SLC25A14: variants seen among roughly 807,000 people sequenced by gnomAD.
The protein encoded by SLC25A14 is solute carrier family 25 member 14, also known as brain mitochondrial carrier protein 1.
Under a neutral mutation model 28.1 loss-of-function variants are expected in SLC25A14, and 8 were observed. The ratio of observed to expected loss-of-function variants is 0.28; its 90% confidence interval spans 0.17 to 0.51. The LOEUF (loss-of-function observed/expected upper bound fraction) is 0.51. SLC25A14 is among the 20% of genes least tolerant of loss of function. SLC25A14 has a pLI of 0.97. For missense variants in SLC25A14, 135 were observed against 263.8 expected, an observed-to-expected ratio of 0.51 and a Z score of 3.38; for synonymous variants, 74 against 90.6, an observed-to-expected ratio of 0.82 and a Z score of 1.04.
intron 2 of SLC25A14, among the ~76,000 whole-genome samples, chrX:130,341,595 G>C (rs1426031107): frequency 8.9e-6 from 1 of 111,793 alleles, no homozygotes; most frequent in African/African-American, 3.3e-5. Flanking sequence ...GAGTAGTATA[G>C]GGCAATGTAA....
chrX:130,364,320 ACT>A (rs1191996459), intron 7 of SLC25A14, among the ~76,000 whole-genome samples: 1 of 108,263 alleles, frequency 9.2e-6, no homozygotes, highest in African/African-American at 3.4e-5. Flanking sequence ...GTGTATGTTG[ACT>A]CTTCACTTTC....
intron 6 of SLC25A14, among the ~76,000 whole-genome samples, chrX:130,354,126 T>A (rs1405022587): frequency 3.7e-5 from 4 of 107,859 alleles, no homozygotes; most frequent in Admixed American, 9.8e-5. Flanking sequence ...TATTATTATT[T>A]TTTTTGAGAC....
At chrX:130,361,991 C>A (rs1323609244) in intron 7 of SLC25A14, among the ~76,000 whole-genome samples, 2 of 111,149 alleles carry the variant, frequency 1.8e-5, no homozygotes, top group Non-Finnish European at 3.8e-5. Context: ...GTGAAGGGTA[C>A]CCTCTTTATG....
chrX:130,362,289 T>C (rs1031489109), intron 7 of SLC25A14, among the ~76,000 whole-genome samples: 4 of 109,338 alleles, frequency 3.7e-5, no homozygotes, highest in Non-Finnish European at 7.6e-5. Context: ...ATTATTATTT[T>C]TTTAAGTGAA....
At chrX:130,368,666 A>G (rs1431326955) in intron 9 of SLC25A14, among the ~76,000 whole-genome samples, 1 of 112,701 alleles carries the variant, frequency 8.9e-6, no homozygotes, top group Non-Finnish European at 1.9e-5. Flanking sequence ...GGCACTGTAC[A>G]TAGAGTATAT....
intron 7 of SLC25A14, among the ~76,000 whole-genome samples, chrX:130,359,352 CAAAAAAAAAAAA>C (rs55826694): frequency 3.8e-5 from 1 of 26,235 alleles, no homozygotes; most frequent in African/African-American, 1.3e-4. Context: ...GACTCTGTCT[CAAAAAAAAAAAA>C]AAAAAAAAAA....
chrX:130,350,442 G>T (rs2033591329), intron 5 of SLC25A14, among the ~76,000 whole-genome samples: 1 of 111,539 alleles, frequency 9.0e-6, no homozygotes, highest in Admixed American at 9.5e-5. Flanking sequence ...TTTTAGAAAT[G>T]ATTTATATTT....
intron 2 of SLC25A14, among the ~76,000 whole-genome samples, chrX:130,342,979 TG>T (rs1272628469): frequency 9.0e-6 from 1 of 111,385 alleles, no homozygotes; most frequent in Non-Finnish European, 1.9e-5. Context: ...ATTCAGCGAC[TG>T]GTCTTTCATC....
In SLC25A14 at chrX:130,371,620, T is replaced by C. The variant is rs1440101404; in HGVS notation, c.912T>C (p.Leu304=). The change falls in exon 10 of 11, where the codon CTT becomes CTC. Residue 304 remains leucine (L), a synonymous_variant. Coordinates refer to ENST00000545805, the MANE Select transcript of SLC25A14 (RefSeq NM_001282195.2). ...ALYKGFWPNW[L]RLGPWNIIFF... is the part of the protein sequence containing the mutation. ...ATAAAGGATTTTGGCCAAACTGGCTTCGGCTTGGACCCTGGAACATCATTG... is the reference window on the plus strand; with the variant it reads ...ATAAAGGATTTTGGCCAAACTGGCTCCGGCTTGGACCCTGGAACATCATTG... 2 of 1,204,046 alleles carry C rather than the reference T, an allele frequency of 1.7e-6. No individual in the cohort carries two copies. The highest frequency in any genetic ancestry group is 3.5e-5 in the South Asian group (2 of 56,764).
chrX:130,341,599 A>C (rs1187534094), intron 2 of SLC25A14, among the ~76,000 whole-genome samples: 1 of 112,003 alleles, frequency 8.9e-6, no homozygotes, highest in Non-Finnish European at 1.9e-5. Flanking sequence ...AGTATAGGGC[A>C]ATGTAACTTG....
At chrX:130,348,755 G>A (rs1470826566) in intron 4 of SLC25A14, among the ~76,000 whole-genome samples, 1 of 91,109 alleles carries the variant, frequency 1.1e-5, no homozygotes, top group African/African-American at 4.0e-5. Context: ...TGAGGTAGGA[G>A]CATAGATTAT....
intron 2 of SLC25A14, among the ~76,000 whole-genome samples, chrX:130,341,809 T>C (rs1204812627): frequency 8.9e-6 from 1 of 112,394 alleles, no homozygotes; most frequent in Non-Finnish European, 1.9e-5. Context: ...CAAGTTAAAA[T>C]AATTTTTAGA....
intron 9 of SLC25A14, among the ~76,000 whole-genome samples, chrX:130,369,066 A>C (rs929135913): frequency 1.8e-5 from 2 of 112,230 alleles, no homozygotes; most frequent in African/African-American, 6.5e-5. Context: ...GTTTTCACAC[A>C]ACTGCCTTAT....
At chrX:130,343,297 C>T (rs1204493378) in intron 2 of SLC25A14, among the ~76,000 whole-genome samples, 1 of 112,174 alleles carries the variant, frequency 8.9e-6, no homozygotes, top group African/African-American at 3.2e-5. Flanking sequence ...TCTCTACTCT[C>T]ACCATATGTG....
intron 4 of SLC25A14, among the ~76,000 whole-genome samples, chrX:130,348,104 C>T (rs1243111772): frequency 9.0e-6 from 1 of 111,118 alleles, no homozygotes; most frequent in East Asian, 2.8e-4. Flanking sequence ...GTTCTGGAGG[C>T]AGGAAATCTG....
intron 2 of SLC25A14, 125 bp from the exon 3 acceptor site, chrX:130,345,057 C>T: frequency 2.1e-6 from 1 of 485,379 alleles, no homozygotes; most frequent in Admixed American, 3.5e-5. Flanking sequence ...TGTGTCATTC[C>T]ACTTGGTGGG....
chrX:130,368,772 C>T (rs766027483), intron 9 of SLC25A14, among the ~76,000 whole-genome samples: 1 of 111,883 alleles, frequency 8.9e-6, no homozygotes, highest in Non-Finnish European at 1.9e-5. Context: ...TAATAACTTA[C>T]ACAAGATTAC....
At chrX:130,348,220 C>G (rs2033503884) in intron 4 of SLC25A14, among the ~76,000 whole-genome samples, 1 of 110,384 alleles carries the variant, frequency 9.1e-6, no homozygotes, top group Non-Finnish European at 1.9e-5. Context: ...TGAGGGAGCT[C>G]TCTGGGATCC....
intron 7 of SLC25A14, among the ~76,000 whole-genome samples, chrX:130,362,734 A>G (rs1243860143): frequency 8.9e-6 from 1 of 112,174 alleles, no homozygotes; most frequent in Non-Finnish European, 1.9e-5. Flanking sequence ...TTCTTCAAAA[A>G]TGTGACTTTT....
Sources: gnomAD v4.1 joint callset for allele counts (sites outside exome capture counted in the v4.1 genomes callset) on GRCh38, gnomAD v4.1.1 for gene constraint, MANE v1.5 for transcripts, NCBI Gene and HGNC (gene_info 2026-07-23, HGNC 2026-07-21) for gene names.